ARID1B: variants seen among roughly 807,000 people sequenced by gnomAD.
The protein encoded by ARID1B is AT-rich interactive domain-containing protein 1B.
Under a neutral mutation model 212.3 loss-of-function variants are expected in ARID1B, and 30 were observed. The observed-to-expected ratio is 0.14, with a 90% CI of 0.11 to 0.19. ARID1B has a LOEUF of 0.19. Among genes scored for constraint, ARID1B ranks in the 10% least tolerant of loss-of-function variants. The probability of loss-of-function intolerance (pLI) is 1.00; values close to 1 mark genes in which losing one functional copy is unlikely to be tolerated. For synonymous variants in ARID1B, 1,402 were observed against 1,301.7 expected, an observed-to-expected ratio of 1.08 and a Z score of -1.66; for missense variants, 2,891 against 3,204.0, an observed-to-expected ratio of 0.90 and a Z score of 2.36.
chr6:156,850,567 A>G (rs1005865058), intron 2 of ARID1B, among the ~76,000 whole-genome samples: 8 of 152,238 alleles, frequency 5.3e-5, no homozygotes, highest in African/African-American at 1.9e-4. Context: ...AGTAATTTTT[A>G]ATGATCACAG....
intron 4 of ARID1B, among the ~76,000 whole-genome samples, chr6:157,084,144 A>T (rs759256406): frequency 3.7e-5 from 5 of 133,346 alleles, no homozygotes; most frequent in East Asian, 2.1e-4. Flanking sequence ...CCTCCCCCCC[A>T]AAAAAAAAAA....
rs115469862 is a variant in ARID1B at position 156,927,919 on chromosome 6, G to A, written c.2137-7547G>A. 4.1e-3 allele frequency among the ~76,000 whole-genome samples: 632 copies of A among 152,296 alleles called. 6 individuals are homozygous for A. The highest frequency in any genetic ancestry group is 0.014 in the African/African-American group (602 of 41,556). On this transcript the variant is annotated intron_variant, in intron 3 of 19. Coordinates refer to ENST00000636930, the MANE Select transcript of ARID1B (RefSeq NM_001374828.1). ...ATACACCACAAATAGTTAATATATG[G>A]CATTCTAAGTTCTTTAAGAGGAGCC...
chr6:157,147,330 A>T (rs1161792855), intron 7 of ARID1B, among the ~76,000 whole-genome samples: 1 of 11,116 alleles, frequency 9.0e-5, no homozygotes, highest in Non-Finnish European at 1.4e-4. Flanking sequence ...TCCGCCTCCG[A>T]CCCTGACCTC....
intron 4 of ARID1B, among the ~76,000 whole-genome samples, chr6:157,049,806 T>A (rs1482588721): frequency 6.6e-6 from 1 of 152,234 alleles, no homozygotes; most frequent in African/African-American, 2.4e-5. Flanking sequence ...TCTAGAATTT[T>A]CTTTTTAAAT....
chr6:157,032,108 T>C (rs1393846324), intron 4 of ARID1B, among the ~76,000 whole-genome samples: 1 of 152,220 alleles, frequency 6.6e-6, no homozygotes, highest in Non-Finnish European at 1.5e-5. Flanking sequence ...AAAATGAATA[T>C]TTTTTAAAAT....
chr6:157,190,122 C>T lies in ARID1B; in HGVS notation c.4143C>T (p.Ala1381=), dbSNP rs757646876. The T allele has an allele frequency of 1.9e-6, 3 of 1,614,200 alleles. No homozygotes were observed. The highest frequency in any genetic ancestry group is 1.1e-5 in the South Asian group (1 of 91,092). Residue 1381 remains alanine (A), a synonymous_variant, in exon 15 of 20, where the codon GCC becomes GCT. Coordinates refer to ENST00000636930, the MANE Select transcript of ARID1B (RefSeq NM_001374828.1). The surrounding 1 kb of genome is among the most constrained non-coding windows in gnomAD (Gnocchi z 4.6). Reference sequence around the variant, plus strand: ...AACGGAACTCCATGACTCCAAACGCCCCCTACCAGCAGGGCATGAGCATGC... The same window carrying T: ...AACGGAACTCCATGACTCCAAACGCTCCCTACCAGCAGGGCATGAGCATGC... ...FPKRNSMTPN[A]PYQQGMSMPD... is the part of the protein sequence containing the mutation.
At chr6:157,062,779 C>G (rs1783430280) in intron 4 of ARID1B, among the ~76,000 whole-genome samples, 1 of 151,004 alleles carries the variant, frequency 6.6e-6, no homozygotes, top group Non-Finnish European at 1.5e-5. Flanking sequence ...TCTCAGCTCA[C>G]TGCAACCCCT....
intron 2 of ARID1B, among the ~76,000 whole-genome samples, chr6:156,852,138 CT>C (rs1784618152): frequency 6.6e-6 from 1 of 151,898 alleles, no homozygotes; most frequent in African/African-American, 2.4e-5. Flanking sequence ...GTGTTTAAGT[CT>C]CTTTTGACTT....
At chr6:156,948,001 G>T (rs1793287965) in intron 4 of ARID1B, among the ~76,000 whole-genome samples, 1 of 152,204 alleles carries the variant, frequency 6.6e-6, no homozygotes, top group Non-Finnish European at 1.5e-5. Context: ...TCTGTCTGGA[G>T]CTTGTTCCAG....
chr6:157,166,942 A>G, intron 8 of ARID1B, 98 bp from the exon 9 acceptor site: 5 of 1,476,644 alleles, frequency 3.4e-6, no homozygotes, highest in Non-Finnish European at 4.5e-6. Context: ...TTATAGCCCC[A>G]CCCCTTACAT....
At chr6:157,047,018 T>C (rs1291331785) in intron 4 of ARID1B, among the ~76,000 whole-genome samples, 2 of 152,212 alleles carry the variant, frequency 1.3e-5, no homozygotes, top group Admixed American at 6.5e-5. Flanking sequence ...TGTTGTTTTT[T>C]TAAATCAGTC....
At chr6:156,803,263 T>A (rs1780916114) in intron 1 of ARID1B, among the ~76,000 whole-genome samples, 1 of 152,232 alleles carries the variant, frequency 6.6e-6, no homozygotes, top group Non-Finnish European at 1.5e-5. Context: ...AACATTTTAT[T>A]TATGAAATTC....
chr6:157,128,116 G>A (rs917485786), intron 6 of ARID1B, among the ~76,000 whole-genome samples: 7 of 152,088 alleles, frequency 4.6e-5, no homozygotes, highest in East Asian at 1.9e-4. Flanking sequence ...GACATGCATC[G>A]TTTCTGTATT....
At chr6:156,918,017 G>T (rs559470667) in intron 3 of ARID1B, among the ~76,000 whole-genome samples, 2 of 152,244 alleles carry the variant, frequency 1.3e-5, no homozygotes, top group Admixed American at 1.3e-4. Context: ...GAACATGGGG[G>T]TAAAATAGGT....
intron 2 of ARID1B, among the ~76,000 whole-genome samples, chr6:156,853,211 G>A (rs1583163174): frequency 6.6e-6 from 1 of 152,198 alleles, no homozygotes; most frequent in East Asian, 1.9e-4. Flanking sequence ...TAGTACTTAA[G>A]TATGCCTGTA....
intron 2 of ARID1B, among the ~76,000 whole-genome samples, chr6:156,873,716 C>G (rs953417258): frequency 5.9e-5 from 9 of 152,228 alleles, no homozygotes; most frequent in African/African-American, 2.2e-4. Context: ...CCTTCACTTA[C>G]GTGGGTTTGC....
At chr6:157,003,413 G>C (rs1361044882) in intron 4 of ARID1B, among the ~76,000 whole-genome samples, 1 of 152,180 alleles carries the variant, frequency 6.6e-6, no homozygotes, top group Non-Finnish European at 1.5e-5. Context: ...TGCCAGAGGA[G>C]AAATTATAGA....
chr6:156,808,584 T>C (rs2127974471), intron 1 of ARID1B, among the ~76,000 whole-genome samples: 1 of 152,356 alleles, frequency 6.6e-6, no homozygotes, highest in African/African-American at 2.4e-5. Flanking sequence ...TCTTTCATTC[T>C]CTTTTTTACC....
chr6:157,007,352 C>A (rs968811208), intron 4 of ARID1B, among the ~76,000 whole-genome samples: 1 of 152,128 alleles, frequency 6.6e-6, no homozygotes, highest in Non-Finnish European at 1.5e-5. Flanking sequence ...GAGAAAGAAT[C>A]CCAAAATGTT....
Sources: gnomAD v4.1 joint callset for allele counts (sites outside exome capture counted in the v4.1 genomes callset) on GRCh38, gnomAD v4.1.1 for gene constraint, Gnocchi (gnomAD v3.1) non-coding constraint, MANE v1.5 for transcripts, NCBI Gene and HGNC (gene_info 2026-07-23, HGNC 2026-07-21) for gene names.